The following ABLIM1 variants were observed in gnomAD, a reference collection of about 807,000 sequenced individuals.
ABLIM1 encodes the protein actin binding LIM protein 1.
Under a neutral mutation model 107.0 loss-of-function variants are expected in ABLIM1, and 40 were observed. That is an observed-to-expected ratio of 0.37 (90% CI 0.29 to 0.49). ABLIM1 has a LOEUF of 0.49. ABLIM1 is among the 20% of genes least tolerant of loss of function. The probability of loss-of-function intolerance (pLI) is 0.97; values close to 1 mark genes in which losing one functional copy is unlikely to be tolerated. For synonymous variants in ABLIM1, 357 were observed against 357.3 expected, an observed-to-expected ratio of 1.00 and a Z score of 0.01; for missense variants, 857 against 1,008.5, an observed-to-expected ratio of 0.85 and a Z score of 2.04.
At chr10:114,535,630 C>A (rs375446389) in intron 6 of ABLIM1, among the ~76,000 whole-genome samples, 1 of 152,074 alleles carries the variant, frequency 6.6e-6, no homozygotes, top group African/African-American at 2.4e-5. Context: ...TAGAATCTTG[C>A]ATTAAGATGT....
At chr10:114,684,338 C>T (rs1313140755) in exon 1 of ABLIM1, 1 of 1,614,140 alleles carries the variant, frequency 6.2e-7, no homozygotes, top group Non-Finnish European at 8.5e-7. Context: ...TCAGTCATTT[C>T]CAAGGTCATT....
chr10:114,664,068 T>C (rs1489572376), intron 1 of ABLIM1, among the ~76,000 whole-genome samples: 3 of 152,240 alleles, frequency 2.0e-5, no homozygotes, highest in Non-Finnish European at 4.4e-5. Flanking sequence ...GATAATCTAT[T>C]TTCTGACTAT....
At chr10:114,470,038 C>T (rs2066147004) in intron 10 of ABLIM1, among the ~76,000 whole-genome samples, 1 of 152,152 alleles carries the variant, frequency 6.6e-6, no homozygotes, top group Admixed American at 6.5e-5. Flanking sequence ...AAGGTCAGGG[C>T]CCAGGTCTGC....
chr10:114,742,271 A>T lies in ABLIM1; in HGVS notation c.-213+25790T>A, dbSNP rs933093731. Among the ~76,000 whole-genome samples the T allele has an allele frequency of 4.6e-5, 7 of 152,318 alleles. No individual in the cohort carries two copies. The South Asian group carries it at 8.3e-4, about 18-fold the overall frequency. On this transcript the variant is annotated intron_variant, in intron 1 of 15. Coordinates refer to the ABLIM1 transcript ENST00000651092. ...CCCTTGAAAGACCCTGGATATTTTT[A>T]ATTGCTACGTGTTAATTTCACTGTA...
chr10:114,734,937 G>T (rs1213966265), intron 1 of ABLIM1, among the ~76,000 whole-genome samples: 2 of 152,180 alleles, frequency 1.3e-5, no homozygotes, highest in Non-Finnish European at 2.9e-5. Context: ...GGCTGGAAGA[G>T]CTTTAAAGTG....
chr10:114,669,164 C>T (rs1218774873), intron 1 of ABLIM1, among the ~76,000 whole-genome samples: 2 of 152,218 alleles, frequency 1.3e-5, no homozygotes, highest in Non-Finnish European at 2.9e-5. Flanking sequence ...AGCCTCTTAT[C>T]TCATTGCATT....
intron 12 of ABLIM1, among the ~76,000 whole-genome samples, chr10:114,457,339 G>C (rs779958143): frequency 6.6e-6 from 1 of 151,754 alleles, no homozygotes; most frequent in Admixed American, 6.6e-5. Flanking sequence ...GTGCAGTCTC[G>C]GCTCATTGTA....
At chr10:114,701,474 C>T (rs547915412) in intron 1 of ABLIM1, among the ~76,000 whole-genome samples, 2 of 152,240 alleles carry the variant, frequency 1.3e-5, no homozygotes, top group African/African-American at 2.4e-5. Context: ...AGAATGTTCA[C>T]AGCAGCTTTA....
At chr10:114,708,384 A>G (rs565403936) in intron 1 of ABLIM1, among the ~76,000 whole-genome samples, 1 of 152,276 alleles carries the variant, frequency 6.6e-6, no homozygotes, top group East Asian at 1.9e-4. Context: ...TGCCACAGAA[A>G]AAGGAGTGTC....
At chr10:114,777,315 C>T in the ABLIM1 span, among the ~76,000 whole-genome samples, 2 of 152,128 alleles carry the variant, frequency 1.3e-5, no homozygotes, top group East Asian at 1.9e-4. Context: ...ATTTCTCTCT[C>T]TTTTCATGTT....
At chr10:114,508,167 G>A (rs372916260) in intron 6 of ABLIM1, among the ~76,000 whole-genome samples, 13 of 152,212 alleles carry the variant, frequency 8.5e-5, no homozygotes, top group South Asian at 4.2e-4. Flanking sequence ...TTCTACCTGA[G>A]TGGGACAAAC....
In ABLIM1 at chr10:114,585,046, A is replaced by C. The variant is rs373147218; in HGVS notation, c.380-9447T>G. On this transcript the variant is annotated intron_variant, in intron 2 of 22. Coordinates refer to ENST00000533213, the MANE Select transcript of ABLIM1 (RefSeq NM_002313.7). ...CTAAGATTTGGCCCATAACAGAAAAATAAGTATTAAAGTCTTCTACCATTG... is the reference window on the plus strand; with the variant it reads ...CTAAGATTTGGCCCATAACAGAAAACTAAGTATTAAAGTCTTCTACCATTG... Among the ~76,000 whole-genome samples the C allele has an allele frequency of 6.1e-4, 93 of 152,290 alleles. 2 individuals are homozygous for C. In the South Asian group the frequency reaches 0.019, roughly 32 times the overall value.
chr10:114,437,941 C>T lies in ABLIM1; in HGVS notation c.2143-17G>A. ...TGGAAATATCTGAGAAGAAAGAAAA[C>T]ACCTCTTCTAGAACACCACAGTCCA... On this transcript the variant is annotated splice_polypyrimidine_tract_variant and intron_variant, in intron 21 of 22. Coordinates refer to ENST00000533213, the MANE Select transcript of ABLIM1 (RefSeq NM_002313.7). 2 of 1,606,298 alleles carry T rather than the reference C, an allele frequency of 1.2e-6. No individual in the cohort carries two copies. The highest frequency in any genetic ancestry group is 1.7e-6 in the Non-Finnish European group (2 of 1,172,976).
chr10:114,717,068 C>A (rs868835128), intron 1 of ABLIM1, among the ~76,000 whole-genome samples: 1 of 141,886 alleles, frequency 7.0e-6, no homozygotes, highest in African/African-American at 2.5e-5. Context: ...ATTCATTCAA[C>A]CAATGTCTAC....
upstream of ABLIM1, among the ~76,000 whole-genome samples, chr10:114,662,439 A>ATCCCTGC (rs1236044439): frequency 1.3e-5 from 2 of 152,110 alleles, no homozygotes; most frequent in East Asian, 3.9e-4. Flanking sequence ...AGCAGCGGCT[A>ATCCCTGC]TCCCTGCTCC....
At chr10:114,687,465 A>G (rs951366513), upstream of ABLIM1, among the ~76,000 whole-genome samples, 2 of 152,232 alleles carry the variant, frequency 1.3e-5, no homozygotes, top group Non-Finnish European at 1.5e-5. Context: ...GCCTTGCAAC[A>G]TTTTGAATGG....
chr10:114,610,399 C>T (rs2076727267), intron 1 of ABLIM1, among the ~76,000 whole-genome samples: 2 of 152,138 alleles, frequency 1.3e-5, no homozygotes. Context: ...AGACAGGAGT[C>T]CTATTCTCAT....
At chr10:114,523,558 G>A (rs1565806976) in intron 6 of ABLIM1, among the ~76,000 whole-genome samples, 1 of 151,196 alleles carries the variant, frequency 6.6e-6, no homozygotes, top group East Asian at 1.9e-4. Context: ...TTTATAATAA[G>A]AGCAGAAATT....
Position 114,433,659 on chromosome 10 carries a change from A to G in ABLIM1, c.*2601T>C, listed in dbSNP as rs1233616409. On this transcript the variant is annotated 3_prime_UTR_variant, in exon 23 of 23. Transcript: ENST00000533213. ...GGGTTTCATTAGTGGGAGCTGATTT[A>G]GGGTTCAGTTCTTTATCACTGCAAT... 6.6e-6 allele frequency: 1 copy of G among 152,222 alleles called. No individual in the cohort carries two copies. The highest frequency in any genetic ancestry group is 1.5e-5 in the Non-Finnish European group (1 of 68,040). 9.4% of individuals were successfully genotyped at this position (152,222 alleles called of 1,614,324 possible).
Sources: gnomAD v4.1 joint callset for allele counts (sites outside exome capture counted in the v4.1 genomes callset) on GRCh38, gnomAD v4.1.1 for gene constraint, MANE v1.5 for transcripts, NCBI Gene and HGNC (gene_info 2026-07-23, HGNC 2026-07-21) for gene names.